POF1B: variants seen among roughly 807,000 people sequenced by gnomAD.
POF1B encodes the protein POF1B actin binding protein, also known as protein POF1B.
A neutral mutation model predicts 55.3 loss-of-function variants in POF1B; 53 were observed. The observed-to-expected ratio is 0.96, with a 90% CI of 0.77 to 1.20. The LOEUF (loss-of-function observed/expected upper bound fraction) is 1.20. POF1B is among the 50% of genes most tolerant of loss of function. POF1B has a pLI of 0.00. For missense variants in POF1B, 478 were observed against 420.5 expected, an observed-to-expected ratio of 1.14 and a Z score of -1.20; for synonymous variants, 188 against 148.3, an observed-to-expected ratio of 1.27 and a Z score of -1.95.
intron 15 of POF1B, among the ~76,000 whole-genome samples, chrX:85,296,294 G>T (rs776944110): frequency 1.5e-4 from 17 of 112,117 alleles, no homozygotes; most frequent in African/African-American, 4.9e-4. Context: ...GTTGTTAGCT[G>T]TTTGTTGTGT....
chrX:85,280,127 A>C (rs1405339934), intron 16 of POF1B, among the ~76,000 whole-genome samples: 4 of 111,361 alleles, frequency 3.6e-5, no homozygotes, highest in Non-Finnish European at 7.6e-5. Context: ...CCATACTTAA[A>C]AGATTGATGG....
At chrX:85,355,703 A>G (rs1933479906) in intron 4 of POF1B, among the ~76,000 whole-genome samples, 2 of 108,797 alleles carry the variant, frequency 1.8e-5, no homozygotes, top group Admixed American at 1.9e-4. Context: ...AAAACACATG[A>G]AAAAATGCTC....
At chrX:85,323,030 A>G (rs1247999738) in intron 7 of POF1B, among the ~76,000 whole-genome samples, 2 of 110,453 alleles carry the variant, frequency 1.8e-5, no homozygotes, top group Non-Finnish European at 3.8e-5. Flanking sequence ...TGTGGAAGTC[A>G]GTGTGGCGAT....
intron 13 of POF1B, among the ~76,000 whole-genome samples, chrX:85,304,939 A>G (rs1932537776): frequency 9.0e-6 from 1 of 111,386 alleles, no homozygotes; most frequent in Admixed American, 9.6e-5. Flanking sequence ...GAGAGGTTAA[A>G]TGACACAGTC....
Position 85,308,147 on chromosome X carries a change from C to A in POF1B, c.1027G>T (p.Gly343Ter). 8.4e-7 allele frequency: 1 copy of A among 1,193,349 alleles called. No homozygotes were observed. The highest frequency in any genetic ancestry group is 1.1e-6 in the Non-Finnish European group (1 of 883,603). Residue 343 changes from glycine (G) to a stop codon, truncating the protein, a stop_gained, in exon 10 of 17, where the codon GGA (glycine) becomes TGA (stop). Coordinates refer to ENST00000262753, the MANE Select transcript of POF1B (RefSeq NM_024921.4). LOFTEE classifies it high-confidence loss of function. ...ACTGTCATATCATTTTGAAGATGTC[C>A]AAGCTCCTCCCGTATGTTGCTAAAT... Reference protein sequence around the residue: ...STFSNIREELGHLQNDMTSLE... With the variant: ...STFSNIREEL
At chrX:85,331,361 T>C (rs756780891) in intron 6 of POF1B, among the ~76,000 whole-genome samples, 14 of 111,278 alleles carry the variant, frequency 1.3e-4, no homozygotes, top group Non-Finnish European at 2.3e-4. Flanking sequence ...AACAGCAAAA[T>C]GAGTAAATTA....
chrX:85,304,260 T>C (rs1214515355), intron 14 of POF1B, 83 bp downstream of exon 14: 2 of 911,102 alleles, frequency 2.2e-6, no homozygotes, highest in Non-Finnish European at 2.8e-6. Context: ...TGTCCTTTTC[T>C]AGTCCATGGG....
intron 2 of POF1B, 122 bp from the exon 3 acceptor site, chrX:85,367,888 C>T: frequency 4.5e-6 from 2 of 440,235 alleles, no homozygotes; most frequent in South Asian, 7.3e-5. Flanking sequence ...TTAGTGCTTT[C>T]TTAGATAATA....
At chrX:85,332,324 G>A (rs1932993373) in intron 6 of POF1B, among the ~76,000 whole-genome samples, 1 of 111,177 alleles carries the variant, frequency 9.0e-6, no homozygotes, top group Non-Finnish European at 1.9e-5. Context: ...AGAACTCATA[G>A]ACTTCAGAGA....
chrX:85,327,339 G>C, intron 7 of POF1B, among the ~76,000 whole-genome samples: 1 of 111,667 alleles, frequency 9.0e-6, no homozygotes, highest in East Asian at 2.8e-4. Context: ...TTATTTTAAA[G>C]TAAAATAGTT....
At chrX:85,362,560 G>A (rs1356470709) in intron 3 of POF1B, among the ~76,000 whole-genome samples, 1 of 112,024 alleles carries the variant, frequency 8.9e-6, no homozygotes, top group Non-Finnish European at 1.9e-5. Context: ...ATTTGTGAAT[G>A]CTGAACCAGT....
chrX:85,289,791 G>C (rs1932140557), intron 15 of POF1B, among the ~76,000 whole-genome samples: 1 of 111,301 alleles, frequency 9.0e-6, no homozygotes, highest in African/African-American at 3.3e-5. Context: ...ACAACCCCTA[G>C]CAAGAGGTGG....
chrX:85,329,335 T>C (rs747565975), intron 7 of POF1B, among the ~76,000 whole-genome samples: 99 of 111,455 alleles, frequency 8.9e-4, no homozygotes, highest in Admixed American at 3.7e-3. Context: ...GTGTAATGGG[T>C]AATGGAGATG....
In POF1B at chrX:85,300,916, C is replaced by T. The variant is rs181000459; in HGVS notation, c.1649+2490G>A. Among the ~76,000 whole-genome samples the T allele has an allele frequency of 2.1e-3, 232 of 111,407 alleles. 4 individuals are homozygous for T. The highest frequency in any genetic ancestry group is 0.018 in the Admixed American group (186 of 10,527). On this transcript the variant is annotated intron_variant, in intron 15 of 16. Transcript: ENST00000262753. Reference sequence around the variant, plus strand: ...AACTAGATTTAAATTTCTCAACAGCCGATGTAAGCAAATGGAAGAAAGAAT... The same window carrying T: ...AACTAGATTTAAATTTCTCAACAGCTGATGTAAGCAAATGGAAGAAAGAAT...
At chrX:85,316,716 T>G (rs776173472) in intron 7 of POF1B, among the ~76,000 whole-genome samples, 37 of 111,323 alleles carry the variant, frequency 3.3e-4, no homozygotes, top group Non-Finnish European at 6.6e-4. Flanking sequence ...GATTTGTCTA[T>G]TCATTTTTTT....
intron 3 of POF1B, among the ~76,000 whole-genome samples, chrX:85,366,573 A>G (rs1441964799): frequency 2.7e-5 from 3 of 111,915 alleles, no homozygotes; most frequent in Non-Finnish European, 3.8e-5. Context: ...AAAATAGATA[A>G]TACAATTTTT....
intron 4 of POF1B, among the ~76,000 whole-genome samples, chrX:85,353,123 C>G (rs1933422030): frequency 9.0e-6 from 1 of 110,944 alleles, no homozygotes; most frequent in Non-Finnish European, 1.9e-5. Flanking sequence ...TCTGGCTGTG[C>G]TCTAGTAGAG....
At chrX:85,351,306 A>G in intron 5 of POF1B, 44 bp downstream of exon 5, 1 of 951,238 alleles carries the variant, frequency 1.1e-6, no homozygotes, top group South Asian at 2.2e-5. Context: ...TACAATTCAA[A>G]ATTATACACT....
chrX:85,335,001 C>A (rs1042675755), intron 6 of POF1B, among the ~76,000 whole-genome samples: 1 of 111,282 alleles, frequency 9.0e-6, no homozygotes, highest in Non-Finnish European at 1.9e-5. Flanking sequence ...TGTGAGAATG[C>A]TTCTCAGGGG....
Sources: gnomAD v4.1 joint callset for allele counts (sites outside exome capture counted in the v4.1 genomes callset) on GRCh38, gnomAD v4.1.1 for gene constraint, MANE v1.5 for transcripts, NCBI Gene and HGNC (gene_info 2026-07-23, HGNC 2026-07-21) for gene names.